The following CSF1R variants were observed in gnomAD, a reference collection of about 807,000 sequenced individuals.
CSF1R encodes macrophage colony-stimulating factor 1 receptor.
CSF1R carries 40 observed loss-of-function variants against 110.0 expected under a neutral mutation model. That is an observed-to-expected ratio of 0.36 (90% CI 0.28 to 0.47). CSF1R has a LOEUF of 0.47. Ranked by LOEUF, CSF1R falls within the 20% of genes least tolerant of loss-of-function variation. The pLI is 0.99. For synonymous variants in CSF1R, 523 were observed against 503.4 expected, an observed-to-expected ratio of 1.04 and a Z score of -0.52; for missense variants, 1,052 against 1,253.0, an observed-to-expected ratio of 0.84 and a Z score of 2.42.
Position 150,053,577 on chromosome 5 carries a change from T to C in CSF1R, c.*492A>G, listed in dbSNP as rs1487215252. 2.4e-5 allele frequency: 6 copies of C among 248,554 alleles called. No individual in the cohort carries two copies. The highest frequency in any genetic ancestry group is 3.9e-5 in the Non-Finnish European group (5 of 127,474). The allele number at this position is 248,554 out of a possible 1,614,324, so 15.4% of individuals were successfully genotyped here. On this transcript the variant is annotated 3_prime_UTR_variant, in exon 21 of 21. Transcript: ENST00000675795. ...AGACTAAGAGGTCCTGTGAGATTCT[T>C]AGAGGAGCCATCCTGCTCCAAGGGG...
upstream of CSF1R, among the ~76,000 whole-genome samples, chr5:150,088,618 C>G (rs1184321111): frequency 6.6e-6 from 1 of 152,000 alleles, no homozygotes; most frequent in Non-Finnish European, 1.5e-5. Context: ...ACTGCAACCT[C>G]TGCCTCCCGC....
At position 150,054,307 on chromosome 5, in the gene CSF1R, CCTCACCCCA is replaced by C; in HGVS notation, c.2763+6_2763+14del. The C allele has an allele frequency of 1.2e-6, 2 of 1,614,114 alleles. No individual in the cohort carries two copies. The highest frequency in any genetic ancestry group is 1.7e-6 in the Non-Finnish European group (2 of 1,180,014). ...TGCTTTACCGGCCACCCACCCCAAG[CCTCACCCCA>C]CTCACCCGCTCTCTCCTGTCCTCTT... is the stretch of plus-strand genomic sequence containing the variant. On this transcript the variant is annotated splice_donor_region_variant and intron_variant, in intron 20 of 20. Coordinates refer to ENST00000675795, the MANE Select transcript of CSF1R (RefSeq NM_001288705.3).
Position 150,069,902 on chromosome 5 carries a change from C to T in CSF1R, c.1481G>A (p.Gly494Asp). 1 of 1,613,312 alleles carries T rather than the reference C, an allele frequency of 6.2e-7. No individual in the cohort carries two copies. Among genetic ancestry groups the T allele is most frequent in the Non-Finnish European group, 8.5e-7 (1 of 1,179,614 alleles). ...AGAGATGGGTATGAAGGCCCAGGAG[C>T]CACTCCCCACGCTGTTGTGGGCCCT... ...ECRAHNSVGS[G>D]SWAFIPISAG... Residue 494 changes from glycine (G) to aspartate (D), a missense_variant, in exon 9 of 21, where the codon GGC becomes GAC. By Grantham distance (94) the Gly-to-Asp change is moderately conservative. Around this residue, in one of 5 missense-constraint regions of CSF1R, gnomAD observed 693 missense variants for 735.4 expected, o/e 0.94. Transcript: ENST00000675795.
intron 16 of CSF1R, among the ~76,000 whole-genome samples, chr5:150,056,777 CTG>C (rs988721543): frequency 3.9e-5 from 6 of 152,118 alleles, no homozygotes; most frequent in African/African-American, 1.4e-4. Context: ...GGTGTAGAAA[CTG>C]AGGCACAGAA....
At chr5:150,083,136 G>T (rs1758629467) in intron 1 of CSF1R, among the ~76,000 whole-genome samples, 1 of 152,068 alleles carries the variant, frequency 6.6e-6, no homozygotes, top group South Asian at 2.1e-4. Flanking sequence ...TAGCAGGGAA[G>T]GAAGCCGGCT....
chr5:150,064,962 A>G (rs1408562225), intron 10 of CSF1R, among the ~76,000 whole-genome samples: 1 of 152,190 alleles, frequency 6.6e-6, no homozygotes, highest in African/African-American at 2.4e-5. Flanking sequence ...ACTATGAGTG[A>G]GAGATCAAGA....
chr5:150,095,760 C>T (rs905434046), intron 1 of CSF1R, among the ~76,000 whole-genome samples: 16 of 58,378 alleles, frequency 2.7e-4, no homozygotes, highest in African/African-American at 1.6e-3. Flanking sequence ...TAACATTTAC[C>T]GAGAAAAAAA....
At chr5:150,070,648 C>A in intron 6 of CSF1R, 77 bp from the exon 7 acceptor site, 1 of 1,004,100 alleles carries the variant, frequency 1.0e-6, no homozygotes, top group Non-Finnish European at 1.4e-6. Flanking sequence ...CAGATAACAG[C>A]CTTAAAGGGG....
intron 3 of CSF1R, among the ~76,000 whole-genome samples, 157 bp from the exon 4 acceptor site, chr5:150,078,405 C>G (rs1311703149): frequency 6.6e-6 from 1 of 152,040 alleles, no homozygotes; most frequent in Non-Finnish European, 1.5e-5. Context: ...CCAGTCCCCC[C>G]ACTGCAAGGC....
At chr5:150,057,216 ATCGTCACTCATCCAGCCTCCCCG>A in intron 16 of CSF1R, 48 bp downstream of exon 16, 1 of 1,350,840 alleles carries the variant, frequency 7.4e-7, no homozygotes, top group Non-Finnish European at 1.0e-6. Flanking sequence ...CCTCCTCCCC[ATCGTCACTCATCCAGCCTCCCCG>A]GAGCACAGAC....
chr5:150,108,140 G>A (rs777773816), intron 1 of CSF1R, among the ~76,000 whole-genome samples: 6 of 152,214 alleles, frequency 3.9e-5, no homozygotes, highest in East Asian at 1.9e-4. Flanking sequence ...GCCTGGAGGC[G>A]TAAGAGTGCA....
rs202034759 is a variant in CSF1R, at chr5:150,086,363, C to T, written c.49+16G>A. ...CACACCCCAACAAAGTCCCCCACCC[C>T]CCGTTCTGCTCTTACCATGCCAAGC... On this transcript the variant is annotated intron_variant, in intron 1 of 20. Transcript: ENST00000675795. 2 of 1,598,580 alleles carry T rather than the reference C, an allele frequency of 1.3e-6. No homozygotes were observed. Among genetic ancestry groups the T allele is most frequent in the South Asian group, 2.3e-5 (2 of 87,666 alleles).
At position 150,068,260 on chromosome 5, in the gene CSF1R, G is replaced by T; in HGVS notation, c.1581C>A (p.Ala527=). 6.2e-7 allele frequency: 1 copy of T among 1,612,822 alleles called. No individual in the cohort carries two copies. The highest frequency in any genetic ancestry group is 8.5e-7 in the Non-Finnish European group (1 of 1,179,994). The part of the protein sequence containing the change: ...PVVVACMSIM[A]LLLLLLLLLL... ...GCAGCAGGAGCAGCAGCAGCAGCAA[G>T]GCCATGATGGACATGCAGGCGACCA... Residue 527 remains alanine (A), a synonymous_variant, in exon 10 of 21, where the codon GCC becomes GCA. Transcript: ENST00000675795.
At position 150,054,360 on chromosome 5, in the gene CSF1R, A is replaced by G. The variant is rs1469965955; in HGVS notation, c.2725T>C (p.Phe909Leu). The G allele has an allele frequency of 6.2e-7, 1 of 1,614,024 alleles. No homozygotes were observed. The highest frequency in any genetic ancestry group is 1.3e-5 in the African/African-American group (1 of 74,914). ...TCCTCTTGGGCCTGCTCCTGAAGGA[A>G]GGAGCAGATCTGCTGGAAGGTGGGT... The part of the protein sequence containing the change: ...HRPTFQQICS[F>L]LQEQAQEDRR... Residue 909 changes from phenylalanine to leucine, a missense_variant, in exon 20 of 21, where the codon TTC (phenylalanine) becomes CTC (leucine). By Grantham distance (22) the Phe-to-Leu change is conservative (BLOSUM62 0). Around this residue, in one of 5 missense-constraint regions of CSF1R, gnomAD observed 74 missense variants for 187.4 expected, o/e 0.39. Transcript: ENST00000675795.
chr5:150,107,431 C>T (rs1218855956), intron 1 of CSF1R, among the ~76,000 whole-genome samples: 1 of 152,244 alleles, frequency 6.6e-6, no homozygotes, highest in Non-Finnish European at 1.5e-5. Flanking sequence ...CCATTGGGCA[C>T]ACTCTTCATG....
In CSF1R at chr5:150,077,314, T is replaced by C. The variant is rs2113824105; in HGVS notation, c.851A>G (p.Gln284Arg). 2 of 1,614,242 alleles carry C rather than the reference T, an allele frequency of 1.2e-6. No individual in the cohort carries two copies. Among genetic ancestry groups the C allele is most frequent in the Non-Finnish European group, 1.7e-6 (2 of 1,180,032 alleles). ...GNYSCVASNV[Q>R]GKHSTSMFFR... ...GAACATGGAGGTGGAGTGCTTGCCC[T>C]GCACGTTGCTGGCCACGCAGGAGTA... is the stretch of plus-strand genomic sequence containing the variant. The change falls in exon 5 of 21, where the codon CAG becomes CGG. Residue 284 changes from glutamine to arginine, a missense_variant. Gln to Arg is a conservative substitution (Grantham distance 43). Coordinates refer to ENST00000675795, the MANE Select transcript of CSF1R (RefSeq NM_001288705.3).
chr5:150,072,493 A>T (rs1758071567), intron 6 of CSF1R, among the ~76,000 whole-genome samples: 1 of 152,196 alleles, frequency 6.6e-6, no homozygotes, highest in Non-Finnish European at 1.5e-5. Flanking sequence ...CATCTAAAAA[A>T]AATAATAAAA....
Position 150,080,192 on chromosome 5 carries a change from T to C in CSF1R, c.452A>G (p.His151Arg). The C allele has an allele frequency of 6.2e-7, 1 of 1,613,804 alleles. No homozygotes were observed. The highest frequency in any genetic ancestry group is 8.5e-7 in the Non-Finnish European group (1 of 1,180,040). ...VRVRGRPLMR[H>R]TNYSFSPWHG... ...CCAGGGCGAGAAGGAGTAGTTGGTG[T>C]GGCGCATGAGGGGCCGGCCACGCAC... is the stretch of plus-strand genomic sequence containing the variant. Residue 151 changes from histidine to arginine, a missense_variant, in exon 3 of 21, where the codon CAC (histidine) becomes CGC (arginine). Physicochemically the swap from His to Arg is conservative, Grantham distance 29 (BLOSUM62 0). This residue lies in a region of CSF1R where 693 missense variants were observed against 735.4 expected (regional missense o/e 0.94). Coordinates refer to ENST00000675795, the MANE Select transcript of CSF1R (RefSeq NM_001288705.3).
chr5:150,106,581 C>T (rs1363738390), intron 1 of CSF1R, among the ~76,000 whole-genome samples: 1 of 152,190 alleles, frequency 6.6e-6, no homozygotes, highest in Non-Finnish European at 1.5e-5. Context: ...CCACACCTAT[C>T]TCTAGGCCTG....
Sources: allele counts gnomAD v4.1 joint callset (sites outside exome capture counted in the v4.1 genomes callset), GRCh38; gene constraint gnomAD v4.1.1; regional missense constraint gnomAD v4.1.1; transcripts MANE v1.5; gene names NCBI Gene and HGNC (gene_info 2026-07-23, HGNC 2026-07-21).